The following SGPP1 variants were observed in gnomAD, a reference collection of about 807,000 sequenced individuals.
The protein encoded by SGPP1 is sphingosine-1-phosphate phosphatase 1, also known as hSPP1.
Under a neutral mutation model 33.0 loss-of-function variants are expected in SGPP1, and 21 were observed. The ratio of observed to expected loss-of-function variants is 0.64; its 90% confidence interval spans 0.45 to 0.92. SGPP1 has a LOEUF of 0.92. Ranked by LOEUF, SGPP1 falls within the 40% of genes least tolerant of loss-of-function variation. SGPP1 has a pLI of 0.00. For missense variants in SGPP1, 543 were observed against 589.4 expected (o/e 0.92, Z 0.81); for synonymous variants, 239 against 241.2 (o/e 0.99, Z 0.08).
intron 1 of SGPP1, among the ~76,000 whole-genome samples, chr14:63,722,973 A>C: frequency 7.0e-6 from 1 of 143,734 alleles, no homozygotes; most frequent in Non-Finnish European, 1.5e-5. Flanking sequence ...CCCTGTCTCA[A>C]AAAAAAAAAA....
rs866545227 is a variant in SGPP1, at chr14:63,684,705, C to A, written c.*1400G>T. 9 of 152,406 alleles carry A rather than the reference C, an allele frequency of 5.9e-5. No individual in the cohort carries two copies. Among genetic ancestry groups the A allele is most frequent in the African/African-American group, 2.2e-4 (9 of 41,416 alleles). The allele number at this position is 152,406 out of a possible 1,614,324, so 9.4% of individuals were successfully genotyped here. A position where few individuals can be genotyped will look rare whatever the true frequency, so the allele number is the denominator to read the frequency against. ...TATTTATATGGAAAGTTAATCTCTT[C>A]TTTATGAAAAACTTTCTACAAATAC... On this transcript the variant is annotated 3_prime_UTR_variant, in exon 3 of 3. Coordinates refer to ENST00000247225, the MANE Select transcript of SGPP1 (RefSeq NM_030791.4).
chr14:63,694,802 T>G (rs1354726755), intron 2 of SGPP1, among the ~76,000 whole-genome samples: 1 of 152,152 alleles, frequency 6.6e-6, no homozygotes, highest in East Asian at 1.9e-4. Context: ...AGCAAATAAT[T>G]TTAGCTATTT....
At chr14:63,703,364 C>A (rs1475647837) in intron 1 of SGPP1, among the ~76,000 whole-genome samples, 2 of 151,908 alleles carry the variant, frequency 1.3e-5, no homozygotes, top group Non-Finnish European at 2.9e-5. Flanking sequence ...AAATTAAAGA[C>A]CTAATTAAGG....
intron 1 of SGPP1, among the ~76,000 whole-genome samples, chr14:63,704,120 C>T (rs1181039022): frequency 2.0e-5 from 3 of 152,112 alleles, no homozygotes; most frequent in African/African-American, 4.8e-5. Context: ...AGCCACCATG[C>T]CCAGCCCTTC....
chr14:63,699,537 A>C (rs992240218), intron 1 of SGPP1, among the ~76,000 whole-genome samples: 21 of 152,076 alleles, frequency 1.4e-4, no homozygotes, highest in Non-Finnish European at 2.9e-5. Context: ...AATATTTAGT[A>C]CGAAATTGTT....
At chr14:63,713,576 A>G (rs1250883083) in intron 1 of SGPP1, among the ~76,000 whole-genome samples, 2 of 152,204 alleles carry the variant, frequency 1.3e-5, no homozygotes, top group Non-Finnish European at 2.9e-5. Flanking sequence ...AAAGTCTAAA[A>G]TCTCTAATAT....
At chr14:63,694,326 G>T (rs943170832) in intron 2 of SGPP1, among the ~76,000 whole-genome samples, 1 of 151,592 alleles carries the variant, frequency 6.6e-6, no homozygotes, top group Non-Finnish European at 1.5e-5. Flanking sequence ...TCTTTAAATT[G>T]TTATGTTTGA....
chr14:63,720,580 G>A (rs1468601042), intron 1 of SGPP1, among the ~76,000 whole-genome samples: 1 of 152,006 alleles, frequency 6.6e-6, no homozygotes, highest in Non-Finnish European at 1.5e-5. Flanking sequence ...CCAACATGCT[G>A]AAACCCCATT....
chr14:63,686,720 A>C lies in SGPP1; in HGVS notation c.775-64T>G, dbSNP rs112953389. The C allele has an allele frequency of 1.4e-3, 1,654 of 1,173,790 alleles. 20 individuals carry two copies. The African/African-American group carries it at 0.023, about 16-fold the overall frequency. The allele number at this position is 1,173,790 out of a possible 1,614,324, so 72.7% of individuals were successfully genotyped here. Reference sequence around the variant, plus strand: ...TGAATATTTTTGGCATTTAAAAAATAATTTATATTTGACATTTCAAATGTT... The same window carrying C: ...TGAATATTTTTGGCATTTAAAAAATCATTTATATTTGACATTTCAAATGTT... On this transcript the variant is annotated intron_variant, in intron 2 of 2. Transcript: ENST00000247225.
chr14:63,695,335 C>T (rs920556755), intron 2 of SGPP1, among the ~76,000 whole-genome samples: 5 of 152,198 alleles, frequency 3.3e-5, no homozygotes, highest in Admixed American at 6.5e-5. Flanking sequence ...GGATTACAGG[C>T]GTGAGCCACC....
intron 2 of SGPP1, 141 bp from the exon 3 acceptor site, chr14:63,686,797 A>G (rs1405463554): frequency 3.3e-6 from 2 of 606,856 alleles, no homozygotes; most frequent in Admixed American, 3.3e-5. Flanking sequence ...AAACTTTATT[A>G]ACTGACCATA....
intron 1 of SGPP1, among the ~76,000 whole-genome samples, chr14:63,705,068 A>G (rs1183042119): frequency 6.6e-6 from 1 of 151,788 alleles, no homozygotes; most frequent in Non-Finnish European, 1.5e-5. Context: ...TGGGGGTTGC[A>G]GTGAGCCGAG....
intron 1 of SGPP1, among the ~76,000 whole-genome samples, chr14:63,726,280 G>C (rs2139658491): frequency 6.6e-6 from 1 of 152,254 alleles, no homozygotes; most frequent in South Asian, 2.1e-4. Context: ...TGTTTCCTTA[G>C]AATCTCCACA....
intron 2 of SGPP1, 61 bp downstream of exon 2, chr14:63,698,508 T>C (rs1473380093): frequency 4.1e-6 from 4 of 965,608 alleles, no homozygotes; most frequent in Non-Finnish European, 6.1e-6. Context: ...GATTAAAAAT[T>C]ATAAAATTTC....
Position 63,727,732 on chromosome 14 carries a change from G to C in SGPP1, c.213C>G (p.Ser71Arg). The C allele has an allele frequency of 6.9e-7, 1 of 1,441,242 alleles. No individual in the cohort carries two copies. Among genetic ancestry groups the C allele is most frequent in the Non-Finnish European group, 9.0e-7 (1 of 1,105,770 alleles). 89.3% of individuals were successfully genotyped at this position (1,441,242 alleles called of 1,614,324 possible). A position where few individuals can be genotyped will look rare whatever the true frequency, so the allele number is the denominator to read the frequency against. Reference protein sequence around the residue: ...GAPGGPQPPGSDRNQCPAKPD... With the variant: ...GAPGGPQPPGRDRNQCPAKPD... ...GCTTGGCCGGGCACTGATTGCGGTC[G>C]CTCCCGGGAGGCTGGGGGCCTCCAG... The change falls in exon 1 of 3, where the codon AGC becomes AGG. Residue 71 changes from serine (S) to arginine (R), a missense_variant. Physicochemically the swap from Ser to Arg is moderately radical, Grantham distance 110. Coordinates refer to ENST00000247225, the MANE Select transcript of SGPP1 (RefSeq NM_030791.4).
At chr14:63,709,477 T>C (rs542349939) in intron 1 of SGPP1, among the ~76,000 whole-genome samples, 47 of 152,180 alleles carry the variant, frequency 3.1e-4, no homozygotes, top group Non-Finnish European at 6.5e-4. Flanking sequence ...TAGTGACCTA[T>C]TCTAATTCCT....
intron 2 of SGPP1, among the ~76,000 whole-genome samples, chr14:63,688,186 C>T (rs1052138985): frequency 4.0e-5 from 6 of 151,086 alleles, no homozygotes; most frequent in Admixed American, 3.9e-4. Flanking sequence ...CATGGTGGTA[C>T]GCGTTTGTAA....
chr14:63,714,355 G>A (rs1261206024), intron 1 of SGPP1, among the ~76,000 whole-genome samples: 6 of 152,130 alleles, frequency 3.9e-5, no homozygotes, highest in Non-Finnish European at 4.4e-5. Context: ...TAATAAAGTG[G>A]AGTGCACACA....
chr14:63,693,019 C>T lies in SGPP1; in HGVS notation c.774+5550G>A, dbSNP rs1983964. Among the ~76,000 whole-genome samples, 1,243 of 152,190 alleles carry T rather than the reference C, an allele frequency of 8.2e-3. 11 individuals carry two copies. Among genetic ancestry groups the T allele is most frequent in the African/African-American group, 0.028 (1,161 of 41,518 alleles). ...GGGAGATCATGGCTCACCACAGCCT[C>T]GACTTCCTGGGCTCAAGCAATCCTC... On this transcript the variant is annotated intron_variant, in intron 2 of 2. Coordinates refer to ENST00000247225, the MANE Select transcript of SGPP1 (RefSeq NM_030791.4).
Sources: allele counts gnomAD v4.1 joint callset (sites outside exome capture counted in the v4.1 genomes callset), GRCh38; gene constraint gnomAD v4.1.1; transcripts MANE v1.5; gene names NCBI Gene and HGNC (gene_info 2026-07-23, HGNC 2026-07-21).